DCDC2: variants seen among roughly 807,000 people sequenced by gnomAD.
The protein encoded by DCDC2 is doublecortin domain containing 2.
Under a neutral mutation model 50.2 loss-of-function variants are expected in DCDC2, and 40 were observed. The observed-to-expected ratio is 0.80, with a 90% CI of 0.62 to 1.04. DCDC2 has a LOEUF of 1.04. Among genes scored for constraint, DCDC2 ranks in the 50% least tolerant of loss-of-function variants. DCDC2 has a pLI of 0.00. For synonymous variants in DCDC2, 234 were observed against 210.6 expected (o/e 1.11, Z -0.96); for missense variants, 570 against 581.9 (o/e 0.98, Z 0.21).
intron 7 of DCDC2, among the ~76,000 whole-genome samples, chr6:24,272,704 T>TA (rs1763263453): frequency 1.3e-5 from 2 of 151,922 alleles, no homozygotes; most frequent in African/African-American, 4.8e-5. Flanking sequence ...TCTGAAAAAG[T>TA]CAAAAAACAA....
intron 7 of DCDC2, among the ~76,000 whole-genome samples, chr6:24,229,975 C>G (rs1388868387): frequency 6.6e-6 from 1 of 152,196 alleles, no homozygotes; most frequent in Non-Finnish European, 1.5e-5. Context: ...CTTGGCCACA[C>G]AGTCCTTCCC....
chr6:24,196,229 T>C (rs1216331058), intron 8 of DCDC2, among the ~76,000 whole-genome samples: 1 of 152,134 alleles, frequency 6.6e-6, no homozygotes, highest in Non-Finnish European at 1.5e-5. Flanking sequence ...TTGGCTTTTT[T>C]TTTTTATGCA....
At chr6:24,274,605 C>CAAAAAA (rs61569208) in intron 7 of DCDC2, among the ~76,000 whole-genome samples, 34 of 82,390 alleles carry the variant, frequency 4.1e-4, no homozygotes, top group Admixed American at 6.3e-4. Flanking sequence ...GAAACAGAGT[C>CAAAAAA]AAAAAAAAAA....
chr6:24,229,668 G>C (rs927219639), intron 7 of DCDC2, among the ~76,000 whole-genome samples: 3 of 152,178 alleles, frequency 2.0e-5, no homozygotes, highest in Admixed American at 1.3e-4. Context: ...TGCCCCTTCA[G>C]AATGCTCAAA....
chr6:24,335,736 G>A (rs1016909927), intron 2 of DCDC2, among the ~76,000 whole-genome samples: 2 of 152,218 alleles, frequency 1.3e-5, no homozygotes, highest in East Asian at 1.9e-4. Context: ...AGCAGGCAAC[G>A]ACCTTCTTCA....
intron 8 of DCDC2, among the ~76,000 whole-genome samples, chr6:24,184,552 CAGAG>C (rs1761150537): frequency 6.7e-6 from 1 of 149,534 alleles, no homozygotes; most frequent in African/African-American, 2.5e-5. Context: ...GCCTGGGCCA[CAGAG>C]AGAGACTCTG....
At chr6:24,288,191 C>A (rs760210413) in intron 6 of DCDC2, among the ~76,000 whole-genome samples, 1 of 152,136 alleles carries the variant, frequency 6.6e-6, no homozygotes, top group African/African-American at 2.4e-5. Flanking sequence ...CACAACTTGT[C>A]GGGCAATTCA....
intron 2 of DCDC2, among the ~76,000 whole-genome samples, chr6:24,304,009 T>C (rs2113839863): frequency 6.6e-6 from 1 of 152,354 alleles, no homozygotes; most frequent in Non-Finnish European, 1.5e-5. Flanking sequence ...GACTCTCAAG[T>C]GCCTAAAACA....
intron 8 of DCDC2, among the ~76,000 whole-genome samples, chr6:24,179,977 G>T (rs1300664878): frequency 2.0e-5 from 3 of 148,960 alleles, no homozygotes; most frequent in Non-Finnish European, 3.0e-5. Flanking sequence ...AAAAACAAGG[G>T]GTGGGGGAGG....
chr6:24,342,891 T>A (rs574337852), intron 2 of DCDC2, among the ~76,000 whole-genome samples: 1 of 152,138 alleles, frequency 6.6e-6, no homozygotes, highest in Non-Finnish European at 1.5e-5. Flanking sequence ...ATCTCTGATA[T>A]TACTTTCCAA....
At chr6:24,175,380 C>T (rs1760880215) in intron 9 of DCDC2, among the ~76,000 whole-genome samples, 1 of 152,114 alleles carries the variant, frequency 6.6e-6, no homozygotes, top group Non-Finnish European at 1.5e-5. Flanking sequence ...ATGACATTGT[C>T]TCATGTACAA....
chr6:24,350,849 C>T (rs112060513), intron 2 of DCDC2, among the ~76,000 whole-genome samples: 4 of 152,190 alleles, frequency 2.6e-5, no homozygotes, highest in African/African-American at 9.6e-5. Flanking sequence ...AAAGGAAATA[C>T]CCACCTAAGA....
intron 2 of DCDC2, among the ~76,000 whole-genome samples, chr6:24,342,200 G>T (rs771212438): frequency 6.6e-6 from 1 of 152,156 alleles, no homozygotes; most frequent in Non-Finnish European, 1.5e-5. Flanking sequence ...TGCTATGTCC[G>T]TCCAGGGTGC....
intron 2 of DCDC2, among the ~76,000 whole-genome samples, chr6:24,343,240 C>CG (rs1473703868): frequency 1.3e-5 from 2 of 151,776 alleles, no homozygotes; most frequent in African/African-American, 4.8e-5. Context: ...TTAGTAGAGA[C>CG]GGGTTTCACC....
At chr6:24,351,251 T>G (rs1170473457) in intron 2 of DCDC2, among the ~76,000 whole-genome samples, 1 of 152,170 alleles carries the variant, frequency 6.6e-6, no homozygotes, top group Non-Finnish European at 1.5e-5. Flanking sequence ...GTGAAGGTCA[T>G]GGTGCGAACT....
intron 2 of DCDC2, among the ~76,000 whole-genome samples, chr6:24,321,861 T>G (rs1170358364): frequency 6.6e-6 from 1 of 152,210 alleles, no homozygotes; most frequent in African/African-American, 2.4e-5. Context: ...CCCAAATACC[T>G]GGTAAAATTA....
intron 2 of DCDC2, among the ~76,000 whole-genome samples, chr6:24,302,420 C>CCCAA (rs574897964): frequency 1.3e-5 from 2 of 152,188 alleles, no homozygotes; most frequent in East Asian, 3.9e-4. Context: ...GTGCCTGCAG[C>CCCAA]CCAACATACT....
chr6:24,264,848 G>A (rs1719826020), intron 7 of DCDC2, among the ~76,000 whole-genome samples: 1 of 149,680 alleles, frequency 6.7e-6, no homozygotes, highest in Admixed American at 6.6e-5. Context: ...AAAAAAAAGA[G>A]ACCTGACAAT....
At chr6:24,367,886 T>C in the DCDC2 span, among the ~76,000 whole-genome samples, 1 of 152,236 alleles carries the variant, frequency 6.6e-6, no homozygotes, top group South Asian at 2.1e-4. Context: ...TGTAAAATAA[T>C]TATGTTTACT....
Sources: gnomAD v4.1 joint callset for allele counts (sites outside exome capture counted in the v4.1 genomes callset) on GRCh38, gnomAD v4.1.1 for gene constraint, MANE v1.5 for transcripts, NCBI Gene and HGNC (gene_info 2026-07-23, HGNC 2026-07-21) for gene names.